Variants in XPO6 observed in about 807,000 individuals in gnomAD.
XPO6 encodes exportin-6.
A neutral mutation model predicts 130.0 loss-of-function variants in XPO6; 3 were observed. The ratio of observed to expected loss-of-function variants is 0.02; its 90% CI spans 0.01 to 0.06. The LOEUF is 0.06. Ranked by LOEUF, XPO6 falls within the 10% of genes least tolerant of loss-of-function variation. The pLI, the probability that XPO6 is intolerant of heterozygous loss-of-function variation, is 1.00. For missense variants in XPO6, 970 were observed against 1,393.0 expected (o/e 0.70, Z 4.83); for synonymous variants, 524 against 548.9 (o/e 0.95, Z 0.63).
At chr16:28,107,426 T>C (rs2086809889) in intron 18 of XPO6, 96 bp downstream of exon 18, 1 of 1,419,514 alleles carries the variant, frequency 7.0e-7, no homozygotes, top group South Asian at 1.2e-5. Flanking sequence ...AGTCAAGGCC[T>C]GTACTGCACC....
chr16:28,163,646 T>C (rs1451198324), intron 6 of XPO6, among the ~76,000 whole-genome samples: 2 of 152,144 alleles, frequency 1.3e-5, no homozygotes, highest in Non-Finnish European at 2.9e-5. Flanking sequence ...GAGGAAGCTA[T>C]TCCTTTTTTA....
At chr16:28,165,846 T>A (rs1329655072) in intron 6 of XPO6, among the ~76,000 whole-genome samples, 1 of 152,194 alleles carries the variant, frequency 6.6e-6, no homozygotes, top group Non-Finnish European at 1.5e-5. Flanking sequence ...AAACTAAAAG[T>A]TCCTGTTCAG....
Position 28,112,969 on chromosome 16 carries a change from T to A in XPO6, c.2086A>T (p.Ile696Phe). The change falls in exon 16 of 24, where the codon ATC (isoleucine) becomes TTC (phenylalanine). Residue 696 changes from isoleucine (I) to phenylalanine (F), a missense_variant. Ile to Phe is a conservative substitution (Grantham distance 21). Coordinates refer to ENST00000304658, the MANE Select transcript of XPO6 (RefSeq NM_015171.4). ...TTGAATACTTTCTGCACTGCAGGGA[T>A]GCTGATCAGAAAGACGGGCCGCACG... Reference protein sequence around the residue: ...TTVRPVFLISIPAVQKVFNRI... With the variant: ...TTVRPVFLISFPAVQKVFNRI... 1.9e-6 allele frequency: 3 copies of A among 1,614,146 alleles called. No individual in the cohort carries two copies. Among genetic ancestry groups the A allele is most frequent in the Non-Finnish European group, 2.5e-6 (3 of 1,180,012 alleles).
chr16:28,111,850 C>T lies in XPO6; in HGVS notation c.2308G>A (p.Val770Ile). Residue 770 changes from valine to isoleucine, a missense_variant, in exon 17 of 24, where the codon GTT becomes ATT. By Grantham distance (29) the Val-to-Ile change is conservative. This residue lies in a region of XPO6 where 936 missense variants were observed against 1,306.8 expected (regional missense o/e 0.72). Transcript: ENST00000304658. ...RDYRNLKPSAVAPQRKMPLDD... is the reference protein window; with the variant it reads ...RDYRNLKPSAIAPQRKMPLDD... ...AGTGGCATCTTTCTCTGTGGGGCAA[C>T]AGCACTGGGCTTCAGGTTGCGATAG... The T allele has an allele frequency of 1.2e-6, 2 of 1,614,092 alleles. No homozygotes were observed. Among genetic ancestry groups the T allele is most frequent in the Non-Finnish European group, 1.7e-6 (2 of 1,180,000 alleles).
At chr16:28,160,077 C>G (rs1442791706) in intron 6 of XPO6, among the ~76,000 whole-genome samples, 1 of 149,228 alleles carries the variant, frequency 6.7e-6, no homozygotes, top group South Asian at 2.1e-4. Flanking sequence ...CCCAGCTACT[C>G]GGGAGGCTGG....
intron 1 of XPO6, among the ~76,000 whole-genome samples, chr16:28,193,735 C>T (rs1338342472): frequency 6.6e-6 from 1 of 152,128 alleles, no homozygotes; most frequent in Admixed American, 6.6e-5. Flanking sequence ...GATGATAACT[C>T]TACATGGGGT....
At chr16:28,153,950 G>A in intron 7 of XPO6, 2 of 985,352 alleles carry the variant, frequency 2.0e-6, no homozygotes, top group Non-Finnish European at 2.4e-6. Context: ...TGACCTCTAT[G>A]CGGCCGAGCT....
chr16:28,207,049 C>T (rs902167888), intron 1 of XPO6, among the ~76,000 whole-genome samples: 5 of 151,684 alleles, frequency 3.3e-5, no homozygotes, highest in African/African-American at 1.2e-4. Context: ...GAGTTCGAGA[C>T]CAGCCTGACC....
At chr16:28,131,443 G>C (rs1033861977) in intron 12 of XPO6, among the ~76,000 whole-genome samples, 2 of 152,224 alleles carry the variant, frequency 1.3e-5, no homozygotes, top group African/African-American at 4.8e-5. Context: ...GATCCCATAA[G>C]AAGCATGCTG....
Position 28,207,045 on chromosome 16 carries a change from G to A in XPO6, c.3+4321C>T, listed in dbSNP as rs185325891. 2.2e-3 allele frequency among the ~76,000 whole-genome samples: 333 copies of A among 151,796 alleles called. 2 individuals are homozygous for A. The highest frequency in any genetic ancestry group is 7.1e-3 in the African/African-American group (292 of 41,152). ...GCAGATCATCTGAGGTCTGGAGTTCGAGACCAGCCTGACCAACGTGGTGAA... is the reference window on the plus strand; with the variant it reads ...GCAGATCATCTGAGGTCTGGAGTTCAAGACCAGCCTGACCAACGTGGTGAA... On this transcript the variant is annotated intron_variant, in intron 1 of 23. Transcript: ENST00000304658.
rs775721798 is a variant in XPO6, at chr16:28,154,896, CAGAA to C, written c.1097+1174_1097+1177del. Among the ~76,000 whole-genome samples the C allele has an allele frequency of 5.3e-5, 8 of 152,066 alleles. No individual in the cohort carries two copies. In the South Asian group the frequency reaches 1.7e-3, roughly 32 times the overall value. On this transcript the variant is annotated intron_variant, in intron 7 of 23. Transcript: ENST00000304658. ...TAATACAGCCTTTCTTAACCACAGA[CAGAA>C]AGAATATGAAAGTGTGAATAATGAT...
intron 4 of XPO6, 22 bp downstream of exon 4, chr16:28,175,876 G>A (rs1334001709): frequency 6.2e-7 from 1 of 1,604,820 alleles, no homozygotes; most frequent in Admixed American, 1.7e-5. Context: ...ACAAGATAAA[G>A]TTTCCTTAGG....
chr16:28,108,435 C>A (rs16939824), intron 17 of XPO6, among the ~76,000 whole-genome samples: 5,899 of 152,252 alleles, frequency 0.039, 228 homozygotes, highest in East Asian at 0.21. Context: ...GACCCTCATC[C>A]ATCTGGGAGA....
intron 1 of XPO6, among the ~76,000 whole-genome samples, chr16:28,201,833 C>T (rs900870724): frequency 2.0e-5 from 3 of 152,028 alleles, no homozygotes; most frequent in South Asian, 2.1e-4. Flanking sequence ...CCAGCCTGGG[C>T]GACAAAGCGA....
intron 5 of XPO6, among the ~76,000 whole-genome samples, chr16:28,168,764 G>C (rs2043399615): frequency 6.7e-6 from 1 of 149,776 alleles, no homozygotes; most frequent in South Asian, 2.1e-4. Flanking sequence ...ATCACACCCA[G>C]CTAACTTTTT....
chr16:28,200,156 C>CAAA (rs199587858), intron 1 of XPO6, among the ~76,000 whole-genome samples: 2 of 141,588 alleles, frequency 1.4e-5, no homozygotes, highest in African/African-American at 5.2e-5. Flanking sequence ...GACTCTATCT[C>CAAA]AAAAAAAGAA....
chr16:28,101,818 A>G lies in XPO6; in HGVS notation c.3045+29T>C, dbSNP rs2086661256. 2 of 1,608,664 alleles carry G rather than the reference A, an allele frequency of 1.2e-6. No homozygotes were observed. Among genetic ancestry groups the G allele is most frequent in the Middle Eastern group, 1.6e-4 (1 of 6,064 alleles). On this transcript the variant is annotated intron_variant, in intron 22 of 23. Transcript: ENST00000304658. The surrounding 1 kb of genome is among the most constrained non-coding windows in gnomAD (Gnocchi z 5.4). The stretch of plus-strand genomic sequence containing the variant: ...CACAGGCCACAATGCCCCTGATGGA[A>G]GAATATTTCCAAGAGCTGGGGCACT...
chr16:28,133,755 G>T (rs1282089503), intron 11 of XPO6, 86 bp downstream of exon 11: 2 of 1,205,270 alleles, frequency 1.7e-6, no homozygotes, highest in South Asian at 1.3e-5. Context: ...AGAGGGGAGA[G>T]AGAGAGAGAT....
intron 14 of XPO6, 38 bp from the exon 15 acceptor site, chr16:28,117,500 G>A (rs1390851876): frequency 3.1e-6 from 5 of 1,602,794 alleles, no homozygotes; most frequent in Non-Finnish European, 4.3e-6. Context: ...TAAAGGTTAA[G>A]GTGAAAATAT....
Sources: gnomAD v4.1 joint callset for allele counts (sites outside exome capture counted in the v4.1 genomes callset) on GRCh38, gnomAD v4.1.1 for gene constraint, gnomAD v4.1.1 regional missense constraint, Gnocchi (gnomAD v3.1) non-coding constraint, MANE v1.5 for transcripts, NCBI Gene and HGNC (gene_info 2026-07-23, HGNC 2026-07-21) for gene names.